PRRC2C: variants seen among roughly 807,000 people sequenced by gnomAD.
PRRC2C encodes protein PRRC2C.
Under a neutral mutation model 317.2 loss-of-function variants are expected in PRRC2C, and 72 were observed. The ratio of observed to expected loss-of-function variants is 0.23; its 90% confidence interval spans 0.19 to 0.28. The LOEUF is 0.28. PRRC2C is among the 10% of genes least tolerant of loss of function. PRRC2C has a pLI of 1.00. For synonymous variants in PRRC2C, 1,296 were observed against 1,205.9 expected, an observed-to-expected ratio of 1.07 and a Z score of -1.55; for missense variants, 3,074 against 3,459.7, an observed-to-expected ratio of 0.89 and a Z score of 2.80.
At position 171,512,104 on chromosome 1, in the gene PRRC2C, G is replaced by A. The variant is rs749623793; in HGVS notation, c.16G>A (p.Gly6Ser). ...TTCCACCGAAATGTCGGAGAAGTCA[G>A]GCCAGAGCACAAAAGCAAAGGATGG... MSEKS[G>S]QSTKAKDGKK... The change falls in exon 2 of 35, where the codon GGC (glycine) becomes AGC (serine). Residue 6 changes from glycine (G) to serine (S), a missense_variant. Physicochemically the swap from Gly to Ser is moderately conservative, Grantham distance 56. Around this residue, in one of 11 missense-constraint regions of PRRC2C, gnomAD observed 71 missense variants for 118.9 expected, o/e 0.60. Transcript: ENST00000647382. The A allele has an allele frequency of 1.7e-5, 27 of 1,570,852 alleles. No homozygotes were observed. Among genetic ancestry groups the A allele is most frequent in the Non-Finnish European group, 2.2e-5 (26 of 1,157,482 alleles).
In PRRC2C at chr1:171,512,133, A is replaced by G. The variant is rs756939861; in HGVS notation, c.45A>G (p.Lys15=). 1.7e-5 allele frequency: 27 copies of G among 1,581,754 alleles called. No homozygotes were observed. The highest frequency in any genetic ancestry group is 1.7e-6 in the Non-Finnish European group (2 of 1,163,368). Reference sequence around the variant, plus strand: ...AGAGCACAAAAGCAAAGGATGGGAAAAAGTATGCAACACTCAGTTTATTTA... The same window carrying G: ...AGAGCACAAAAGCAAAGGATGGGAAGAAGTATGCAACACTCAGTTTATTTA... ...SGQSTKAKDG[K]KYATLSLFNT... is the part of the protein sequence containing the mutation. Residue 15 remains lysine, a synonymous_variant, in exon 2 of 35, where the codon AAA becomes AAG. Coordinates refer to ENST00000647382, the MANE Select transcript of PRRC2C (RefSeq NM_001387844.1).
chr1:171,548,175 G>T (rs1254420768), intron 17 of PRRC2C, among the ~76,000 whole-genome samples: 1 of 151,694 alleles, frequency 6.6e-6, no homozygotes, highest in African/African-American at 2.4e-5. Context: ...TACCATGTTA[G>T]CCAGGCTAGT....
At position 171,517,666 on chromosome 1, in the gene PRRC2C, G is replaced by T. The variant is rs1316537265; in HGVS notation, c.602G>T (p.Gly201Val). The change falls in exon 6 of 35, where the codon GGC (glycine) becomes GTC (valine). Residue 201 changes from glycine (G) to valine (V), a missense_variant. Coordinates refer to ENST00000647382, the MANE Select transcript of PRRC2C (RefSeq NM_001387844.1). ...TCTGATCAAGATGAAAAGCTCCCTG[G>T]CCAGGATGAAAGCACAGCTGGAACA... ...SSSDQDEKLP[G>V]QDESTAGTSE... is the part of the protein sequence containing the mutation. 1 of 1,613,314 alleles carries T rather than the reference G, an allele frequency of 6.2e-7. No homozygotes were observed. Among genetic ancestry groups the T allele is most frequent in the Non-Finnish European group, 8.5e-7 (1 of 1,179,786 alleles).
In PRRC2C at chr1:171,591,962, G is replaced by A. The variant is rs1651538328; in HGVS notation, c.*115G>A. On this transcript the variant is annotated 3_prime_UTR_variant, in exon 35 of 35. Transcript: ENST00000647382. ...GGCCTGTGACATTATCCTGTTCAGA[G>A]CTTGGAGATGTACAAGGGACATAGG... is the stretch of plus-strand genomic sequence containing the variant. 2 of 1,360,820 alleles carry A rather than the reference G, an allele frequency of 1.5e-6. No homozygotes were observed. The highest frequency in any genetic ancestry group is 2.0e-6 in the Non-Finnish European group (2 of 994,048). 84.3% of individuals were successfully genotyped at this position (1,360,820 alleles called of 1,614,324 possible).
rs375170854 is a variant in PRRC2C at position 171,553,782 on chromosome 1, G to A, written c.5128-3458G>A. ...TTTCCATGTAGTTGTGTGGTTTTGAGTGAGTTTCTTAATCCTGAGTTCTAA... is the reference window on the plus strand; with the variant it reads ...TTTCCATGTAGTTGTGTGGTTTTGAATGAGTTTCTTAATCCTGAGTTCTAA... On this transcript the variant is annotated intron_variant, in intron 18 of 34. Coordinates refer to ENST00000647382, the MANE Select transcript of PRRC2C (RefSeq NM_001387844.1). 1.5e-4 allele frequency among the ~76,000 whole-genome samples: 23 copies of A among 152,312 alleles called. No individual in the cohort carries two copies. In the East Asian group the frequency reaches 3.7e-3, roughly 24 times the overall value.
intron 9 of PRRC2C, among the ~76,000 whole-genome samples, chr1:171,523,939 G>A (rs1323470922): frequency 6.6e-6 from 1 of 152,048 alleles, no homozygotes; most frequent in African/African-American, 2.4e-5. Flanking sequence ...AGGAGGCTAA[G>A]GCAGGAGAAT....
intron 15 of PRRC2C, among the ~76,000 whole-genome samples, chr1:171,539,295 G>A (rs954659311): frequency 4.6e-5 from 7 of 152,200 alleles, no homozygotes; most frequent in Admixed American, 2.0e-4. Flanking sequence ...GTGAGCCACC[G>A]CACCCGGCCC....
intron 5 of PRRC2C, among the ~76,000 whole-genome samples, chr1:171,516,456 C>G (rs528710966): frequency 6.6e-6 from 1 of 152,212 alleles, no homozygotes; most frequent in Non-Finnish European, 1.5e-5. Context: ...TTCTAAAAAC[C>G]TGATGTATTT....
At position 171,515,749 on chromosome 1, in the gene PRRC2C, G is replaced by C; in HGVS notation, c.416G>C (p.Ser139Thr). 6.2e-7 allele frequency: 1 copy of C among 1,604,826 alleles called. No homozygotes were observed. The highest frequency in any genetic ancestry group is 8.5e-7 in the Non-Finnish European group (1 of 1,176,116). The change falls in exon 5 of 35, where the codon AGT becomes ACT. Residue 139 changes from serine to threonine, a missense_variant. This residue lies in a region of PRRC2C where 237 missense variants were observed against 199.5 expected (regional missense o/e 1.19). Coordinates refer to ENST00000647382, the MANE Select transcript of PRRC2C (RefSeq NM_001387844.1). ...GGQGDGIQVN[S>T]QFQQEFPSLQ... ...AAATCTATAGGAATCCAAGTGAATA[G>C]TCAGTTTCAGCAAGAATTTCCCAGC...
chr1:171,512,960 G>A (rs1231868631), intron 2 of PRRC2C, 35 bp from the exon 3 acceptor site: 2 of 1,552,916 alleles, frequency 1.3e-6, no homozygotes. Context: ...TAATAAAATA[G>A]ATGTTCTAAG....
chr1:171,592,065 G>A lies in PRRC2C; in HGVS notation c.*218G>A. The A allele has an allele frequency of 2.1e-6, 1 of 476,038 alleles. No individual in the cohort carries two copies. The highest frequency in any genetic ancestry group is 3.7e-5 in the Admixed American group (1 of 26,736). 29.5% of individuals were successfully genotyped at this position (476,038 alleles called of 1,614,324 possible). A position where few individuals can be genotyped will look rare whatever the true frequency, so the allele number is the denominator to read the frequency against. ...AGCTTGTACCTACTATATAACATGT[G>A]CTTGGTTGATGGCCATGCATCTTCA... On this transcript the variant is annotated 3_prime_UTR_variant, in exon 35 of 35. Transcript: ENST00000647382.
chr1:171,552,271 A>C (rs928628555), intron 18 of PRRC2C, among the ~76,000 whole-genome samples: 1 of 151,990 alleles, frequency 6.6e-6, no homozygotes, highest in African/African-American at 2.4e-5. Flanking sequence ...TTTGTCTGTT[A>C]TTGGTGTATA....
At chr1:171,570,852 T>TA (rs1230692514) in intron 23 of PRRC2C, among the ~76,000 whole-genome samples, 3 of 152,214 alleles carry the variant, frequency 2.0e-5, no homozygotes, top group Non-Finnish European at 2.9e-5. Flanking sequence ...AACCTGTAGA[T>TA]ATATGGTGAA....
intron 1 of PRRC2C, among the ~76,000 whole-genome samples, chr1:171,500,235 A>G (rs1247846651): frequency 1.3e-5 from 2 of 152,292 alleles, no homozygotes; most frequent in East Asian, 1.9e-4. Context: ...TATTTTTCCA[A>G]ATATACTAAA....
chr1:171,489,854 C>T (rs367952826), intron 1 of PRRC2C, among the ~76,000 whole-genome samples: 1 of 152,198 alleles, frequency 6.6e-6, no homozygotes, highest in East Asian at 1.9e-4. Flanking sequence ...CCCAAACCAT[C>T]TGCCTGTTAC....
At position 171,592,134 on chromosome 1, in the gene PRRC2C, C is replaced by A; in HGVS notation, c.*287C>A. ...ATGTATGCACCCATTTTTTTGAGTGCATATAATTTAGACCTAAAAATCCTT... is the reference window on the plus strand; with the variant it reads ...ATGTATGCACCCATTTTTTTGAGTGAATATAATTTAGACCTAAAAATCCTT... On this transcript the variant is annotated 3_prime_UTR_variant, in exon 35 of 35. Transcript: ENST00000647382. 1 of 287,354 alleles carries A rather than the reference C, an allele frequency of 3.5e-6. No individual in the cohort carries two copies. 17.8% of individuals were successfully genotyped at this position (287,354 alleles called of 1,614,324 possible).
intron 18 of PRRC2C, among the ~76,000 whole-genome samples, chr1:171,550,872 G>A (rs1048927994): frequency 2.0e-5 from 3 of 152,118 alleles, no homozygotes; most frequent in African/African-American, 7.2e-5. Flanking sequence ...TATCATTGAT[G>A]GACATTTGGA....
At chr1:171,561,150 T>C (rs1682613432) in intron 20 of PRRC2C, 47 bp downstream of exon 20, 1 of 1,491,772 alleles carries the variant, frequency 6.7e-7, no homozygotes, top group South Asian at 1.1e-5. Context: ...TTTTCCCTAA[T>C]ACTTCAGTGT....
chr1:171,498,903 A>G (rs1374707025), intron 1 of PRRC2C, among the ~76,000 whole-genome samples: 1 of 152,124 alleles, frequency 6.6e-6, no homozygotes, highest in Non-Finnish European at 1.5e-5. Context: ...CTGGGTTCAA[A>G]TGGCCCTTCC....
Sources: gnomAD v4.1 joint callset for allele counts (sites outside exome capture counted in the v4.1 genomes callset) on GRCh38, gnomAD v4.1.1 for gene constraint, gnomAD v4.1.1 regional missense constraint, MANE v1.5 for transcripts, NCBI Gene and HGNC (gene_info 2026-07-23, HGNC 2026-07-21) for gene names.